Variants in TPD52L1 observed in about 807,000 individuals in gnomAD.
The protein encoded by TPD52L1 is TPD52 like 1, also known as tumor protein D53.
A neutral mutation model predicts 28.7 loss-of-function variants in TPD52L1; 18 were observed. That is an observed-to-expected ratio of 0.63 (90% confidence interval 0.43 to 0.93). The LOEUF is 0.93. TPD52L1 is among the 40% of genes least tolerant of loss of function. The pLI is 0.00. For synonymous variants in TPD52L1, 75 were observed against 88.8 expected, an observed-to-expected ratio of 0.84 and a Z score of 0.88; for missense variants, 203 against 254.8, an observed-to-expected ratio of 0.80 and a Z score of 1.39.
chr6:125,213,866 G>A (rs1269730212), intron 1 of TPD52L1, among the ~76,000 whole-genome samples: 1 of 152,138 alleles, frequency 6.6e-6, no homozygotes, highest in Admixed American at 6.5e-5. Context: ...GATGTAAATG[G>A]GTGGCATGCC....
chr6:125,206,575 G>A (rs1283914081), intron 1 of TPD52L1, among the ~76,000 whole-genome samples: 1 of 152,136 alleles, frequency 6.6e-6, no homozygotes, highest in East Asian at 1.9e-4. Flanking sequence ...GAGGAATGCT[G>A]TGTGTGACAG....
intron 6 of TPD52L1, chr6:125,260,097 C>T (rs558262066): frequency 5.3e-5 from 8 of 152,166 alleles, no homozygotes; most frequent in African/African-American, 1.9e-4. Context: ...CAGAAGAAAA[C>T]GTCAGTGATT....
At chr6:125,215,758 A>G (rs1297119478) in intron 1 of TPD52L1, among the ~76,000 whole-genome samples, 1 of 150,588 alleles carries the variant, frequency 6.6e-6, no homozygotes, top group African/African-American at 2.4e-5. Flanking sequence ...AAGTTTCCCA[A>G]TTCATGTATT....
At chr6:125,256,538 G>A (rs1797612601) in intron 5 of TPD52L1, among the ~76,000 whole-genome samples, 1 of 152,150 alleles carries the variant, frequency 6.6e-6, no homozygotes, top group Non-Finnish European at 1.5e-5. Context: ...CTTCATGTAA[G>A]TTGTCAAAAT....
At chr6:125,168,540 C>CTTTTT in intron 1 of TPD52L1, among the ~76,000 whole-genome samples, 1 of 147,758 alleles carries the variant, frequency 6.8e-6, no homozygotes, top group Non-Finnish European at 1.5e-5. Context: ...TTTTTTGAGA[C>CTTTTT]GGAGTCTCGC....
chr6:125,211,854 A>T (rs1159206282), intron 1 of TPD52L1, among the ~76,000 whole-genome samples: 4 of 152,256 alleles, frequency 2.6e-5, no homozygotes, highest in Admixed American at 2.6e-4. Flanking sequence ...TAGCAAATGA[A>T]GGAAAAGCAT....
rs144046293 is a variant in TPD52L1 at position 125,235,521 on chromosome 6, C to T, written c.284+6255C>T. Among the ~76,000 whole-genome samples, 1,081 of 152,230 alleles carry T rather than the reference C, an allele frequency of 7.1e-3. 18 individuals are homozygous for T. The highest frequency in any genetic ancestry group is 0.025 in the African/African-American group (1,022 of 41,528). ...CCTGGGCCACATGTGACCCATAGGC[C>T]GCAGGTTGGACAAGCTTGGCCTAGG... On this transcript the variant is annotated intron_variant, in intron 3 of 6. Transcript: ENST00000534000.
chr6:125,196,613 T>C (rs573892949), intron 1 of TPD52L1, among the ~76,000 whole-genome samples: 2 of 152,384 alleles, frequency 1.3e-5, no homozygotes, highest in South Asian at 2.1e-4. Flanking sequence ...ATGCTTATTT[T>C]ATCTGTAATA....
intron 1 of TPD52L1, among the ~76,000 whole-genome samples, chr6:125,173,111 C>T (rs1791603781): frequency 6.6e-6 from 1 of 152,080 alleles, no homozygotes; most frequent in Non-Finnish European, 1.5e-5. Context: ...TTCTATCAGC[C>T]TGTCTCTTCT....
chr6:125,223,474 C>T (rs992377148), intron 2 of TPD52L1, among the ~76,000 whole-genome samples: 3 of 151,942 alleles, frequency 2.0e-5, no homozygotes, highest in Non-Finnish European at 2.9e-5. Flanking sequence ...TTTGGGAGGC[C>T]GAGGTGGGGG....
chr6:125,187,864 A>G (rs1427408525), intron 1 of TPD52L1, among the ~76,000 whole-genome samples: 1 of 152,176 alleles, frequency 6.6e-6, no homozygotes, highest in East Asian at 1.9e-4. Flanking sequence ...TTTATTTGTA[A>G]TCCCCCCTTA....
At chr6:125,227,646 A>G (rs1331857189) in intron 2 of TPD52L1, among the ~76,000 whole-genome samples, 1 of 152,250 alleles carries the variant, frequency 6.6e-6, no homozygotes, top group Non-Finnish European at 1.5e-5. Context: ...AAAAGTCACA[A>G]AATTTGTTTT....
chr6:125,263,087 A>G lies in TPD52L1; in HGVS notation c.*125A>G, dbSNP rs1007377130. On this transcript the variant is annotated 3_prime_UTR_variant, in exon 7 of 7. Coordinates refer to ENST00000534000, the MANE Select transcript of TPD52L1 (RefSeq NM_003287.4). ...ACCCAGGCCTTGACATTGTTATTCA[A>G]ATGGCCCCTCCAGAAAGTTTAATGA... 37 of 1,170,584 alleles carry G rather than the reference A, an allele frequency of 3.2e-5. No individual in the cohort carries two copies. In the Admixed American group the frequency reaches 8.6e-4, roughly 27 times the overall value. 72.5% of individuals were successfully genotyped at this position (1,170,584 alleles called of 1,614,324 possible).
intron 6 of TPD52L1, 50 bp downstream of exon 6, chr6:125,257,208 C>A: frequency 6.6e-7 from 1 of 1,516,350 alleles, no homozygotes; most frequent in Non-Finnish European, 9.1e-7. Context: ...CTCAGGACAG[C>A]TTAGCCATTG....
At chr6:125,222,631 A>G (rs1562318134) in intron 2 of TPD52L1, among the ~76,000 whole-genome samples, 2 of 152,170 alleles carry the variant, frequency 1.3e-5, no homozygotes, top group Non-Finnish European at 2.9e-5. Flanking sequence ...GGGACTTTAA[A>G]TTATTTTGAG....
intron 1 of TPD52L1, among the ~76,000 whole-genome samples, chr6:125,194,028 T>G (rs1476214501): frequency 6.8e-6 from 1 of 148,032 alleles, no homozygotes; most frequent in South Asian, 2.1e-4. Context: ...GAATAGTTTT[T>G]TTTTTTTTTT....
intron 1 of TPD52L1, among the ~76,000 whole-genome samples, chr6:125,160,794 C>A (rs1790468222): frequency 6.6e-6 from 1 of 151,804 alleles, no homozygotes; most frequent in Non-Finnish European, 1.5e-5. Context: ...GAGCTTGCTG[C>A]AGCTTTGGCA....
Position 125,244,990 on chromosome 6 carries a change from C to A in TPD52L1, c.285-3292C>A, listed in dbSNP as rs113178848. Among the ~76,000 whole-genome samples the A allele has an allele frequency of 5.0e-3, 766 of 152,288 alleles. 4 individuals carry two copies. The highest frequency in any genetic ancestry group is 0.017 in the African/African-American group (718 of 41,570). ...AGCTGGACTGCAGTGATTGTTATTTCTCTTCTTAGTCTAACCACCCAGCAG... is the reference window on the plus strand; with the variant it reads ...AGCTGGACTGCAGTGATTGTTATTTATCTTCTTAGTCTAACCACCCAGCAG... On this transcript the variant is annotated intron_variant, in intron 3 of 6. Transcript: ENST00000534000.
chr6:125,188,141 A>G (rs1259143927), intron 1 of TPD52L1, among the ~76,000 whole-genome samples: 1 of 152,202 alleles, frequency 6.6e-6, no homozygotes, highest in African/African-American at 2.4e-5. Context: ...CAAAGCCTTC[A>G]GCTTCTTAGG....
Sources: allele counts gnomAD v4.1 joint callset (sites outside exome capture counted in the v4.1 genomes callset), GRCh38; gene constraint gnomAD v4.1.1; transcripts MANE v1.5; gene names NCBI Gene and HGNC (gene_info 2026-07-23, HGNC 2026-07-21).